Variants in ACER2 observed in about 807,000 individuals in gnomAD.
The protein encoded by ACER2 is alkCDase 2.
Under a neutral mutation model 34.7 loss-of-function variants are expected in ACER2, and 26 were observed. The ratio of observed to expected loss-of-function variants is 0.75; its 90% confidence interval spans 0.55 to 1.04. The LOEUF is 1.04. ACER2 is among the 50% of genes least tolerant of loss of function. The probability of loss-of-function intolerance (pLI) is 0.00; values close to 1 mark genes in which losing one functional copy is unlikely to be tolerated. For missense variants in ACER2, 352 were observed against 340.8 expected, an observed-to-expected ratio of 1.03 and a Z score of -0.26; for synonymous variants, 138 against 132.1, an observed-to-expected ratio of 1.04 and a Z score of -0.31.
chr9:19,409,868 A>G (rs1830036891), intron 1 of ACER2: 1 of 985,364 alleles, frequency 1.0e-6, no homozygotes, highest in South Asian at 4.7e-5. Context: ...TTTGGGAGTG[A>G]TAATGTGCGG....
intron 5 of ACER2, 93 bp downstream of exon 5, chr9:19,446,511 C>A: frequency 6.3e-7 from 1 of 1,576,384 alleles, no homozygotes; most frequent in Non-Finnish European, 8.6e-7. Flanking sequence ...CACAGGTGTC[C>A]TGTGGGTTGC....
intron 4 of ACER2, among the ~76,000 whole-genome samples, chr9:19,443,179 T>C (rs113134920): frequency 0.15 from 22,759 of 152,052 alleles, 4,952 homozygotes; most frequent in African/African-American, 0.49. Context: ...TTCAGGTGCC[T>C]GCCACCATGC....
intron 1 of ACER2, among the ~76,000 whole-genome samples, chr9:19,422,122 C>CAAA (rs57946946): frequency 7.6e-6 from 1 of 131,552 alleles, no homozygotes; most frequent in African/African-American, 2.8e-5. Flanking sequence ...CCATCTCTAC[C>CAAA]AAAAAAAAAA....
At chr9:19,421,167 G>A (rs1830392779) in intron 1 of ACER2, among the ~76,000 whole-genome samples, 1 of 152,162 alleles carries the variant, frequency 6.6e-6, no homozygotes, top group African/African-American at 2.4e-5. Context: ...AAAAGTATCA[G>A]GAAAAATGTG....
At chr9:19,433,098 C>G (rs1589052270) in intron 3 of ACER2, among the ~76,000 whole-genome samples, 1 of 150,744 alleles carries the variant, frequency 6.6e-6, no homozygotes, top group Admixed American at 6.6e-5. Flanking sequence ...TGATTATTTC[C>G]TAAGGCTAAG....
At chr9:19,445,589 G>A (rs59476864) in intron 4 of ACER2, among the ~76,000 whole-genome samples, 32 of 152,350 alleles carry the variant, frequency 2.1e-4, no homozygotes, top group African/African-American at 7.5e-4. Context: ...TGTGAGGGAA[G>A]AGCATTCCAG....
intron 5 of ACER2, chr9:19,446,655 G>A: frequency 2.0e-6 from 2 of 984,272 alleles, no homozygotes; most frequent in African/African-American, 3.5e-5. Flanking sequence ...GCTTAGGTCT[G>A]CAGTCTTTTA....
intron 5 of ACER2, among the ~76,000 whole-genome samples, chr9:19,448,654 C>G (rs569683158): frequency 2.3e-4 from 35 of 152,248 alleles, no homozygotes; most frequent in African/African-American, 8.2e-4. Flanking sequence ...GCATTTTTTA[C>G]CCACACTTTC....
In ACER2 at chr9:19,450,455, T is replaced by C. The variant is rs1289224612; in HGVS notation, c.647T>C (p.Ile216Thr). ...NFPYLHCMWHILICLAAYLGC... is the reference protein window; with the variant it reads ...NFPYLHCMWHTLICLAAYLGC... ...CCTCTTGTCTCCCTCTGCAGGCACA[T>C]CCTCATCTGCCTTGCTGCCTACCTG... Residue 216 changes from isoleucine (I) to threonine (T), a missense_variant, in exon 6 of 6, where the codon ATC (isoleucine) becomes ACC (threonine). Coordinates refer to ENST00000340967, the MANE Select transcript of ACER2 (RefSeq NM_001010887.3). 1.0e-5 allele frequency: 16 copies of C among 1,596,252 alleles called. No homozygotes were observed. Among genetic ancestry groups the C allele is most frequent in the Non-Finnish European group, 1.4e-5 (16 of 1,165,778 alleles).
intron 1 of ACER2, among the ~76,000 whole-genome samples, chr9:19,416,569 A>G (rs1830245695): frequency 6.6e-6 from 1 of 152,016 alleles, no homozygotes; most frequent in African/African-American, 2.4e-5. Context: ...CTTGTCGCCC[A>G]GGCTGGAGTG....
At chr9:19,425,578 A>G (rs1337118509) in intron 3 of ACER2, among the ~76,000 whole-genome samples, 2 of 152,380 alleles carry the variant, frequency 1.3e-5, no homozygotes, top group East Asian at 1.9e-4. Flanking sequence ...AAATCAACAA[A>G]CAAGTAAATA....
chr9:19,440,210 C>T (rs1480386034), intron 4 of ACER2, among the ~76,000 whole-genome samples: 2 of 152,302 alleles, frequency 1.3e-5, no homozygotes, highest in Middle Eastern at 3.4e-3. Context: ...ATAACACATC[C>T]TCCTGGCTTT....
chr9:19,417,708 C>G (rs555989980), intron 1 of ACER2, among the ~76,000 whole-genome samples: 1 of 152,126 alleles, frequency 6.6e-6, no homozygotes, highest in Admixed American at 6.5e-5. Context: ...AAAATTAACT[C>G]AAGATGAATT....
chr9:19,445,168 C>T (rs1831313120), intron 4 of ACER2, among the ~76,000 whole-genome samples: 1 of 152,218 alleles, frequency 6.6e-6, no homozygotes, highest in Admixed American at 6.5e-5. Flanking sequence ...AGGTGTTCGT[C>T]CCCAGGGGTA....
rs374076337 is a variant in ACER2 at position 19,424,969 on chromosome 9, A to G, written c.365+128A>G. 1.3e-3 allele frequency: 1,529 copies of G among 1,173,670 alleles called. 24 individuals are homozygous for G. The South Asian group carries it at 0.023, about 18-fold the overall frequency. 72.7% of individuals were successfully genotyped at this position (1,173,670 alleles called of 1,614,324 possible). On this transcript the variant is annotated intron_variant, in intron 3 of 5. Transcript: ENST00000340967. Reference sequence around the variant, plus strand: ...GATGAGCTTATCATATACTTGTTCAATATCTACTGATTGTTTTTATGATCT... The same window carrying G: ...GATGAGCTTATCATATACTTGTTCAGTATCTACTGATTGTTTTTATGATCT...
intron 1 of ACER2, among the ~76,000 whole-genome samples, chr9:19,422,262 A>G (rs10125944): frequency 0.32 from 49,215 of 151,754 alleles, 10,748 homozygotes; most frequent in African/African-American, 0.63. Context: ...TCCCACCACT[A>G]CACTCTAGCC....
At chr9:19,446,682 T>G in intron 5 of ACER2, 1 of 958,824 alleles carries the variant, frequency 1.0e-6, no homozygotes, top group Non-Finnish European at 1.2e-6. Flanking sequence ...ACTCCATTAT[T>G]AAAGCCTAAA....
chr9:19,437,983 A>G (rs1443316387), intron 4 of ACER2, among the ~76,000 whole-genome samples: 1 of 152,186 alleles, frequency 6.6e-6, no homozygotes. Context: ...TGAATTTTCC[A>G]TGGTGCCCAT....
intron 5 of ACER2, among the ~76,000 whole-genome samples, chr9:19,448,004 CT>C (rs557934540): frequency 1.4e-3 from 149 of 109,914 alleles, no homozygotes; most frequent in Middle Eastern, 0.013. Context: ...ACGATGCAAA[CT>C]TTTTTTTTTT....
Sources: gnomAD v4.1 joint callset for allele counts (sites outside exome capture counted in the v4.1 genomes callset) on GRCh38, gnomAD v4.1.1 for gene constraint, MANE v1.5 for transcripts, NCBI Gene and HGNC (gene_info 2026-07-23, HGNC 2026-07-21) for gene names.